The following CALD1 variants were observed in gnomAD, a reference collection of about 807,000 sequenced individuals.
CALD1 encodes the protein caldesmon 1, also known as caldesmon.
A neutral mutation model predicts 99.9 loss-of-function variants in CALD1; 33 were observed. The observed-to-expected ratio is 0.33, with a 90% CI of 0.25 to 0.44. The LOEUF (loss-of-function observed/expected upper bound fraction) is 0.44. CALD1 is among the 20% of genes least tolerant of loss of function. The pLI is 1.00. For synonymous variants in CALD1, 310 were observed against 325.0 expected (o/e 0.95, Z 0.50); for missense variants, 861 against 962.1 (o/e 0.89, Z 1.39).
chr7:134,711,682 G>GTA, the CALD1 span, among the ~76,000 whole-genome samples: 1 of 23,978 alleles, frequency 4.2e-5, no homozygotes, highest in African/African-American at 7.8e-5. Flanking sequence ...ATATATATAT[G>GTA]TGTGTGTGTG....
intron 1 of CALD1, among the ~76,000 whole-genome samples, chr7:134,835,116 C>T (rs1799380810): frequency 6.6e-6 from 1 of 152,218 alleles, no homozygotes; most frequent in African/African-American, 2.4e-5. Flanking sequence ...TAAAGTACTG[C>T]CTGCCTTTCT....
At chr7:134,869,411 G>T (rs550718617) in intron 3 of CALD1, among the ~76,000 whole-genome samples, 1 of 152,298 alleles carries the variant, frequency 6.6e-6, no homozygotes, top group Admixed American at 6.5e-5. Context: ...ATCTACAGTG[G>T]ACTAGAATAT....
intron 3 of CALD1, among the ~76,000 whole-genome samples, chr7:134,906,211 T>A (rs1294674198): frequency 6.6e-6 from 1 of 151,938 alleles, no homozygotes; most frequent in Non-Finnish European, 1.5e-5. Flanking sequence ...ATTACAGGCA[T>A]GAGCCACCAT....
At chr7:134,934,116 G>A (rs1805762918) in intron 5 of CALD1, 39 bp downstream of exon 5, 1 of 1,572,350 alleles carries the variant, frequency 6.4e-7, no homozygotes, top group East Asian at 2.2e-5. Context: ...TGATGCCTGT[G>A]ACTTGTGAGA....
chr7:134,966,074 G>A (rs1808661220), intron 14 of CALD1, among the ~76,000 whole-genome samples: 1 of 152,068 alleles, frequency 6.6e-6, no homozygotes, highest in African/African-American at 2.4e-5. Context: ...TCAAGTAATA[G>A]ACCTCGTGTT....
chr7:134,889,740 T>C (rs914015155), intron 3 of CALD1, among the ~76,000 whole-genome samples: 3 of 152,244 alleles, frequency 2.0e-5, no homozygotes, highest in Admixed American at 2.0e-4. Flanking sequence ...GATGTATCTC[T>C]ACTTTTATGG....
the CALD1 span, among the ~76,000 whole-genome samples, chr7:134,736,019 G>T: frequency 1.3e-5 from 2 of 152,140 alleles, no homozygotes; most frequent in Non-Finnish European, 2.9e-5. Flanking sequence ...AATAGGGAGA[G>T]ACAAAATGCA....
upstream of CALD1, chr7:134,779,320 G>A (rs1364667102): frequency 9.4e-6 from 2 of 212,924 alleles, no homozygotes; most frequent in East Asian, 1.0e-4. Context: ...CACTTCCAGA[G>A]GCCCTGCTAA....
At chr7:134,873,133 G>A (rs961251632) in intron 3 of CALD1, among the ~76,000 whole-genome samples, 4 of 151,942 alleles carry the variant, frequency 2.6e-5, no homozygotes, top group African/African-American at 9.7e-5. Flanking sequence ...GTTGCAGTGA[G>A]CCACGATCAT....
chr7:134,818,464 C>CT (rs1203993023), intron 1 of CALD1, among the ~76,000 whole-genome samples: 1 of 152,054 alleles, frequency 6.6e-6, no homozygotes, highest in Non-Finnish European at 1.5e-5. Flanking sequence ...TTTTCATTTA[C>CT]TTCTCTGTTT....
Position 134,912,167 on chromosome 7 carries a change from G to A in CALD1, c.72-16587G>A, listed in dbSNP as rs541361285. The stretch of plus-strand genomic sequence containing the variant: ...GCACGAGCACCTCCCCTCAATTTCC[G>A]ACCCCATGTGACTGGTCCTGAGAGC... On this transcript the variant is annotated intron_variant, in intron 3 of 14. Coordinates refer to ENST00000361675, the MANE Select transcript of CALD1 (RefSeq NM_033138.4). Among the ~76,000 whole-genome samples the A allele has an allele frequency of 3.9e-5, 6 of 152,266 alleles. No individual in the cohort carries two copies. The South Asian group carries it at 1.2e-3, about 32-fold the overall frequency.
At chr7:134,749,101 G>A (rs2084909) in intron 1 of CALD1, among the ~76,000 whole-genome samples, 2 of 152,004 alleles carry the variant, frequency 1.3e-5, no homozygotes, top group Non-Finnish European at 2.9e-5. Flanking sequence ...TTATAGTATT[G>A]TGTTGTGGCA....
the CALD1 span, among the ~76,000 whole-genome samples, chr7:134,716,235 G>A: frequency 6.6e-5 from 10 of 152,304 alleles, no homozygotes; most frequent in South Asian, 2.1e-3. Context: ...AAAATGGAAT[G>A]TACCATCAGG....
At chr7:134,900,689 A>T (rs559285436) in intron 3 of CALD1, among the ~76,000 whole-genome samples, 13 of 152,216 alleles carry the variant, frequency 8.5e-5, no homozygotes, top group African/African-American at 3.1e-4. Flanking sequence ...CACTGGCCTA[A>T]GTTTCTCCAT....
intron 1 of CALD1, among the ~76,000 whole-genome samples, chr7:134,839,949 T>C (rs56123463): frequency 0.14 from 21,157 of 152,270 alleles, 1,602 homozygotes; most frequent in African/African-American, 0.2. Context: ...CATCCATCTT[T>C]TTCTTTTTGA....
chr7:134,767,062 G>A (rs1444432421), intron 1 of CALD1, among the ~76,000 whole-genome samples: 1 of 152,200 alleles, frequency 6.6e-6, no homozygotes, highest in Non-Finnish European at 1.5e-5. Context: ...ACAGAGAGAC[G>A]AAAGAGCAGG....
intron 1 of CALD1, among the ~76,000 whole-genome samples, chr7:134,759,495 T>C (rs1796758556): frequency 6.6e-6 from 1 of 152,046 alleles, no homozygotes; most frequent in African/African-American, 2.4e-5. Flanking sequence ...ACAGCATGTG[T>C]GAAAACCTGA....
At chr7:134,873,050 A>T (rs1328865966) in intron 3 of CALD1, among the ~76,000 whole-genome samples, 2 of 151,934 alleles carry the variant, frequency 1.3e-5, no homozygotes, top group Admixed American at 6.6e-5. Context: ...CGCTGGGCAT[A>T]GTGGCTGGTG....
Position 134,939,098 on chromosome 7 carries a change from G to C in CALD1, c.1387-1994G>C, listed in dbSNP as rs542409515. Among the ~76,000 whole-genome samples the C allele has an allele frequency of 1.2e-4, 18 of 152,280 alleles. No individual in the cohort carries two copies. The South Asian group carries it at 3.5e-3, about 30-fold the overall frequency. On this transcript the variant is annotated intron_variant, in intron 6 of 14. Coordinates refer to ENST00000361675, the MANE Select transcript of CALD1 (RefSeq NM_033138.4). ...AACTAGAACATAAACTCCAGTCCAT[G>C]GTTTCTGGGGCTAAGTCTAACAACA...
Sources: allele counts gnomAD v4.1 joint callset (sites outside exome capture counted in the v4.1 genomes callset), GRCh38; gene constraint gnomAD v4.1.1; transcripts MANE v1.5; gene names NCBI Gene and HGNC (gene_info 2026-07-23, HGNC 2026-07-21).